The following BSDC1 variants were observed in gnomAD, a reference collection of about 807,000 sequenced individuals.
The protein encoded by BSDC1 is BSD domain-containing protein 1.
Under a neutral mutation model 56.0 loss-of-function variants are expected in BSDC1, and 29 were observed. The observed-to-expected ratio is 0.52, with a 90% CI of 0.39 to 0.71. The LOEUF (loss-of-function observed/expected upper bound fraction) is 0.71. Ranked by LOEUF, BSDC1 falls within the 30% of genes least tolerant of loss-of-function variation. The pLI, the probability that BSDC1 is intolerant of heterozygous loss-of-function variation, is 0.00. For synonymous variants in BSDC1, 210 were observed against 215.3 expected (o/e 0.98, Z 0.21); for missense variants, 477 against 548.5 (o/e 0.87, Z 1.30).
intron 9 of BSDC1, among the ~76,000 whole-genome samples, chr1:32,374,541 C>A (rs1642206659): frequency 6.6e-6 from 1 of 152,194 alleles, no homozygotes; most frequent in African/African-American, 2.4e-5. Context: ...TCAACCCACT[C>A]ACCCTTCTTG....
chr1:32,393,864 C>G (rs1642951852), intron 2 of BSDC1: 1 of 537,400 alleles, frequency 1.9e-6, no homozygotes. Context: ...TTAACTCCAG[C>G]CTTTAAAACC....
chr1:32,392,338 CAAACAAA>C (rs1277348612), intron 2 of BSDC1, among the ~76,000 whole-genome samples: 5 of 151,836 alleles, frequency 3.3e-5, no homozygotes, highest in African/African-American at 1.2e-4. Flanking sequence ...CAAAAACAAA[CAAACAAA>C]AAACAAAAAA....
intron 5 of BSDC1, among the ~76,000 whole-genome samples, chr1:32,380,031 CAT>C (rs1162732380): frequency 6.6e-6 from 1 of 152,176 alleles, no homozygotes; most frequent in African/African-American, 2.4e-5. Flanking sequence ...AAAGAATTCT[CAT>C]ATTGCACAAA....
rs1641821558 is a variant in BSDC1, at chr1:32,365,693, G to A, written c.*929C>T. 1 of 152,672 alleles carries A rather than the reference G, an allele frequency of 6.5e-6. No homozygotes were observed. Among genetic ancestry groups the A allele is most frequent in the African/African-American group, 2.4e-5 (1 of 41,452 alleles). The allele number at this position is 152,672 out of a possible 1,614,324, so 9.5% of individuals were successfully genotyped here. A position where few individuals can be genotyped will look rare whatever the true frequency, so the allele number is the denominator to read the frequency against. ...AGGATAGCCCTTCCAGAAGCAGAAG[G>A]GCTGAGGCGGAGAAGCTAGGCTTAC... On this transcript the variant is annotated 3_prime_UTR_variant, in exon 11 of 11. Coordinates refer to ENST00000455895, the MANE Select transcript of BSDC1 (RefSeq NM_018045.8).
intron 1 of BSDC1, 114 bp from the exon 2 acceptor site, chr1:32,394,254 G>A (rs1038467150): frequency 4.5e-6 from 7 of 1,548,694 alleles, no homozygotes; most frequent in Non-Finnish European, 6.2e-6. Flanking sequence ...CAGACCGCTT[G>A]CCCACCCCCT....
chr1:32,368,701 T>TTTG lies in BSDC1; in HGVS notation c.1157-152_1157-151insCAA, dbSNP rs200077035. On this transcript the variant is annotated intron_variant, in intron 9 of 10. Transcript: ENST00000455895. ...GTTCACTCTGGCGCACCAATCGTAC[T>TTTG]TTTTTTTTTTGTTTTCTTAGATGGA... 237 of 466,314 alleles carry TTTG rather than the reference T, an allele frequency of 5.1e-4. 1 individual carries two copies. The highest frequency in any genetic ancestry group is 4.4e-3 in the African/African-American group (143 of 32,388). 28.9% of individuals were successfully genotyped at this position (466,314 alleles called of 1,614,324 possible). A position where few individuals can be genotyped will look rare whatever the true frequency, so the allele number is the denominator to read the frequency against.
chr1:32,393,460 G>A, intron 2 of BSDC1: 1 of 152,594 alleles, frequency 6.6e-6, no homozygotes, highest in East Asian at 1.9e-4. Flanking sequence ...TGCCCTTGAT[G>A]AGGTTCCTTC....
intron 9 of BSDC1, chr1:32,369,162 C>A: frequency 1.3e-6 from 1 of 784,596 alleles, no homozygotes; most frequent in South Asian, 1.5e-5. Flanking sequence ...TGGTGGAACA[C>A]TGTAGGCTGT....
At chr1:32,384,915 CTT>C (rs1642613921) in intron 3 of BSDC1, among the ~76,000 whole-genome samples, 1 of 151,994 alleles carries the variant, frequency 6.6e-6, no homozygotes, top group Non-Finnish European at 1.5e-5. Flanking sequence ...ATTGACTAGA[CTT>C]ATAGCAGTTT....
intron 10 of BSDC1, 64 bp downstream of exon 10, chr1:32,368,383 G>A (rs749117577): frequency 1.2e-5 from 20 of 1,614,000 alleles, no homozygotes; most frequent in Admixed American, 8.3e-5. Context: ...TGGGCTGGCT[G>A]GGGAGAGCTC....
chr1:32,377,913 G>A, intron 8 of BSDC1, 57 bp downstream of exon 8: 2 of 1,537,574 alleles, frequency 1.3e-6, no homozygotes, highest in Non-Finnish European at 8.8e-7. Flanking sequence ...GCATGGCCCA[G>A]CCCAGAGCGT....
Position 32,365,337 on chromosome 1 carries a change from T to A in BSDC1, c.*1285A>T, listed in dbSNP as rs537669836. The A allele has an allele frequency of 6.6e-6, 1 of 152,232 alleles. No individual in the cohort carries two copies. Among genetic ancestry groups the A allele is most frequent in the Admixed American group, 6.6e-5 (1 of 15,238 alleles). The allele number at this position is 152,232 out of a possible 1,614,324, so 9.4% of individuals were successfully genotyped here. On this transcript the variant is annotated 3_prime_UTR_variant, in exon 11 of 11. Transcript: ENST00000455895. ...AAGGTTAATTAAACTAAAGAAATAA[T>A]TACAAAGAGAAAAACCCCATCCCGT...
chr1:32,366,328 G>C lies in BSDC1; in HGVS notation c.*294C>G. On this transcript the variant is annotated 3_prime_UTR_variant, in exon 11 of 11. Transcript: ENST00000455895. ...TTCCCAGCAGGAGTCCTCAGGAACA[G>C]TGGGTGTTCAGCAGAAAAACACAGG... 6.5e-6 allele frequency: 4 copies of C among 613,420 alleles called. No homozygotes were observed. The South Asian group carries it at 6.7e-5, about 10-fold the overall frequency. The allele number at this position is 613,420 out of a possible 1,614,324, so 38.0% of individuals were successfully genotyped here. A position where few individuals can be genotyped will look rare whatever the true frequency, so the allele number is the denominator to read the frequency against.
At position 32,378,632 on chromosome 1, in the gene BSDC1, A is replaced by C; in HGVS notation, c.528+92T>G. 1.1e-6 allele frequency: 1 copy of C among 916,590 alleles called. No individual in the cohort carries two copies. The highest frequency in any genetic ancestry group is 1.6e-6 in the Non-Finnish European group (1 of 619,210). The allele number at this position is 916,590 out of a possible 1,614,324, so 56.8% of individuals were successfully genotyped here. On this transcript the variant is annotated intron_variant, in intron 6 of 10. Coordinates refer to ENST00000455895, the MANE Select transcript of BSDC1 (RefSeq NM_018045.8). This position sits in a 1 kb window ranked among gnomAD's most constrained non-coding sequence, Gnocchi z 5.2. Reference sequence around the variant, plus strand: ...GGAGCCTCCCAGTGCTCTCCGGGCCAGATGACTCTGCAGTGACTCTGAACA... The same window carrying C: ...GGAGCCTCCCAGTGCTCTCCGGGCCCGATGACTCTGCAGTGACTCTGAACA...
Position 32,381,283 on chromosome 1 carries a change from G to A in BSDC1, c.358-15C>T, listed in dbSNP as rs1050385235. ...TAGAGGCGAGCCTGTAAGAAAAGGA[G>A]AAGAGGAAAACAGAAATTCTGAGAT... On this transcript the variant is annotated splice_polypyrimidine_tract_variant and intron_variant, in intron 4 of 10. Coordinates refer to ENST00000455895, the MANE Select transcript of BSDC1 (RefSeq NM_018045.8). 3.7e-6 allele frequency: 6 copies of A among 1,612,948 alleles called. No homozygotes were observed. In the Admixed American group the frequency reaches 1.0e-4, roughly 27 times the overall value.
intron 1 of BSDC1, 80 bp from the exon 2 acceptor site, chr1:32,394,220 T>C (rs1642972787): frequency 6.4e-7 from 1 of 1,570,440 alleles, no homozygotes; most frequent in African/African-American, 1.4e-5. Flanking sequence ...CCCGCTCAGA[T>C]GTACCCTGCG....
Position 32,366,578 on chromosome 1 carries a change from G to A in BSDC1, c.*44C>T. ...GGGCTGGGCTGAGACGAGCGAGGGAGGCGAGAGATGCCATGGGTGGGGGAG... is the reference window on the plus strand; with the variant it reads ...GGGCTGGGCTGAGACGAGCGAGGGAAGCGAGAGATGCCATGGGTGGGGGAG... On this transcript the variant is annotated 3_prime_UTR_variant, in exon 11 of 11. Transcript: ENST00000455895. 6.7e-7 allele frequency: 1 copy of A among 1,481,898 alleles called. No homozygotes were observed. Among genetic ancestry groups the A allele is most frequent in the South Asian group, 1.2e-5 (1 of 81,730 alleles). The allele number at this position is 1,481,898 out of a possible 1,614,324, so 91.8% of individuals were successfully genotyped here.
chr1:32,373,051 C>T (rs751976769), intron 9 of BSDC1, among the ~76,000 whole-genome samples: 1 of 152,200 alleles, frequency 6.6e-6, no homozygotes, highest in Non-Finnish European at 1.5e-5. Flanking sequence ...GGCTAGGGTA[C>T]CCCAAGAGAC....
Position 32,386,897 on chromosome 1 carries a change from T to A in BSDC1, c.73-2A>T. On this transcript the variant is annotated splice_acceptor_variant, in intron 2 of 10. Coordinates refer to ENST00000455895, the MANE Select transcript of BSDC1 (RefSeq NM_018045.8). LOFTEE classifies it high-confidence loss of function. ...CATAAACTCCAAGGCTTCAGAGGACTGTGGGAAGACAGAGAGGGATGCCAG... is the reference window on the plus strand; with the variant it reads ...CATAAACTCCAAGGCTTCAGAGGACAGTGGGAAGACAGAGAGGGATGCCAG... The A allele has an allele frequency of 6.2e-7, 1 of 1,611,644 alleles. No individual in the cohort carries two copies. Among genetic ancestry groups the A allele is most frequent in the Non-Finnish European group, 8.5e-7 (1 of 1,179,548 alleles).
Sources: allele counts gnomAD v4.1 joint callset (sites outside exome capture counted in the v4.1 genomes callset), GRCh38; gene constraint gnomAD v4.1.1; non-coding constraint Gnocchi (gnomAD v3.1); transcripts MANE v1.5; gene names NCBI Gene and HGNC (gene_info 2026-07-23, HGNC 2026-07-21).